Variants in CSMD1 observed in about 807,000 individuals in gnomAD.
CSMD1 encodes CUB and sushi domain-containing protein 1.
A neutral mutation model predicts 417.5 loss-of-function variants in CSMD1; 213 were observed. The observed-to-expected ratio is 0.51, with a 90% CI of 0.46 to 0.57. The LOEUF is 0.57. Among genes scored for constraint, CSMD1 ranks in the 20% least tolerant of loss-of-function variants. The pLI is 0.00. For missense variants in CSMD1, 6,923 were observed against 4,529.7 expected (o/e 1.53, Z -15.17); for synonymous variants, 2,862 against 1,736.8 (o/e 1.65, Z -16.11).
At chr8:3,608,059 C>G (rs536932038) in intron 8 of CSMD1, among the ~76,000 whole-genome samples, 1 of 151,812 alleles carries the variant, frequency 6.6e-6, no homozygotes, top group African/African-American at 2.4e-5. Flanking sequence ...GTAATGCCAT[C>G]TACTCAGGAG....
rs570601042 is a variant in CSMD1, at chr8:4,029,150, G to A, written c.610+2755C>T. Among the ~76,000 whole-genome samples, 119 of 152,202 alleles carry A rather than the reference G, an allele frequency of 7.8e-4. 1 individual carries two copies. Among genetic ancestry groups the A allele is most frequent in the African/African-American group, 2.7e-3 (113 of 41,528 alleles). On this transcript the variant is annotated intron_variant, in intron 4 of 69. Coordinates refer to ENST00000635120, the MANE Select transcript of CSMD1 (RefSeq NM_033225.6). ...AAAAAAGATAAAAAGGAGGCAACAG[G>A]GCTAGAAGGACATAAACATTGGCAT...
chr8:4,971,620 A>G (rs4266670), intron 1 of CSMD1, among the ~76,000 whole-genome samples: 77,023 of 151,330 alleles, frequency 0.51, 20,164 homozygotes, highest in Middle Eastern at 0.62. Context: ...CTAATTGCAA[A>G]TGCATGCATC....
chr8:4,433,692 G>A (rs997710646), intron 2 of CSMD1, among the ~76,000 whole-genome samples: 5 of 152,080 alleles, frequency 3.3e-5, no homozygotes, highest in Non-Finnish European at 5.9e-5. Context: ...CATTCACCTG[G>A]CATGTGAATA....
chr8:4,143,083 CATG>C (rs1803888213), intron 3 of CSMD1, among the ~76,000 whole-genome samples: 1 of 150,236 alleles, frequency 6.7e-6, no homozygotes, highest in African/African-American at 2.5e-5. Flanking sequence ...AGTTTAGTGA[CATG>C]ATATCTTCAT....
intron 26 of CSMD1, among the ~76,000 whole-genome samples, chr8:3,247,680 T>G (rs1414067789): frequency 6.6e-6 from 1 of 152,140 alleles, no homozygotes; most frequent in Non-Finnish European, 1.5e-5. Context: ...AATAGAACTG[T>G]GGCAAACAGT....
At chr8:3,731,962 C>G (rs745714378) in intron 6 of CSMD1, among the ~76,000 whole-genome samples, 1 of 152,140 alleles carries the variant, frequency 6.6e-6, no homozygotes, top group Non-Finnish European at 1.5e-5. Context: ...ACCCTGGGCT[C>G]TCACTGAACT....
At chr8:3,671,014 T>C (rs1410438350) in intron 7 of CSMD1, among the ~76,000 whole-genome samples, 2 of 134,986 alleles carry the variant, frequency 1.5e-5, no homozygotes, top group African/African-American at 5.3e-5. Context: ...GGGATATATA[T>C]GTATATGGGA....
At chr8:3,474,659 G>A (rs926850622) in intron 11 of CSMD1, among the ~76,000 whole-genome samples, 2 of 152,130 alleles carry the variant, frequency 1.3e-5, no homozygotes, top group Middle Eastern at 3.2e-3. Context: ...ATTAGCCTAA[G>A]GGGAAATTGG....
intron 5 of CSMD1, among the ~76,000 whole-genome samples, chr8:3,989,346 G>A (rs901552362): frequency 1.1e-4 from 16 of 152,164 alleles, no homozygotes; most frequent in African/African-American, 3.9e-4. Flanking sequence ...TCTTGGCTTA[G>A]CAACTATGCT....
chr8:3,472,399 C>G (rs1350071341), intron 11 of CSMD1, among the ~76,000 whole-genome samples: 1 of 152,012 alleles, frequency 6.6e-6, no homozygotes, highest in African/African-American at 2.4e-5. Context: ...ACATTTTTAC[C>G]CAGCCTGGAC....
At chr8:4,183,546 G>C (rs1419310438) in intron 3 of CSMD1, among the ~76,000 whole-genome samples, 1 of 152,098 alleles carries the variant, frequency 6.6e-6, no homozygotes, top group Admixed American at 6.6e-5. Context: ...AATATGATAA[G>C]TCAGAGACAG....
At chr8:3,691,377 AC>A (rs761427264) in intron 7 of CSMD1, among the ~76,000 whole-genome samples, 37 of 151,842 alleles carry the variant, frequency 2.4e-4, no homozygotes, top group Non-Finnish European at 4.4e-4. Context: ...AAAAAAAAAA[AC>A]AAAACAAAAA....
intron 2 of CSMD1, among the ~76,000 whole-genome samples, chr8:4,452,830 A>G (rs1799230500): frequency 6.6e-6 from 1 of 152,280 alleles, no homozygotes; most frequent in Non-Finnish European, 1.5e-5. Flanking sequence ...ATATCAGGTG[A>G]AAAAAACTAA....
chr8:3,832,338 T>C (rs1802425825), intron 5 of CSMD1, among the ~76,000 whole-genome samples: 1 of 152,194 alleles, frequency 6.6e-6, no homozygotes, highest in Admixed American at 6.5e-5. Flanking sequence ...TCAAAATATA[T>C]ACCGCAAATC....
chr8:4,048,597 C>T (rs1798268073), intron 3 of CSMD1, among the ~76,000 whole-genome samples: 1 of 152,192 alleles, frequency 6.6e-6, no homozygotes. Flanking sequence ...AGTTTGTATA[C>T]AAACAGCACA....
chr8:3,291,522 C>T (rs1045012604), intron 25 of CSMD1, among the ~76,000 whole-genome samples: 4 of 152,110 alleles, frequency 2.6e-5, no homozygotes, highest in Non-Finnish European at 5.9e-5. Flanking sequence ...TTGGTCTATT[C>T]AGAGATTCAA....
At chr8:3,073,163 G>C (rs1813427132) in intron 49 of CSMD1, among the ~76,000 whole-genome samples, 1 of 152,110 alleles carries the variant, frequency 6.6e-6, no homozygotes, top group South Asian at 2.1e-4. Flanking sequence ...TGAGGAAAAT[G>C]ACTTGAATGC....
chr8:4,584,491 T>C (rs1401351604), intron 2 of CSMD1, among the ~76,000 whole-genome samples: 1 of 151,728 alleles, frequency 6.6e-6, no homozygotes, highest in Non-Finnish European at 1.5e-5. Context: ...TGTCAGGCTT[T>C]CTGGGAAAGG....
chr8:4,766,442 A>G (rs1423149258), intron 1 of CSMD1, among the ~76,000 whole-genome samples: 2 of 152,226 alleles, frequency 1.3e-5, no homozygotes, highest in Non-Finnish European at 2.9e-5. Flanking sequence ...GAATATATAC[A>G]GAAGGCTAAC....
Sources: allele counts gnomAD v4.1 joint callset (sites outside exome capture counted in the v4.1 genomes callset), GRCh38; gene constraint gnomAD v4.1.1; transcripts MANE v1.5; gene names NCBI Gene and HGNC (gene_info 2026-07-23, HGNC 2026-07-21).